The following PDE4D variants were observed in gnomAD, a reference collection of about 807,000 sequenced individuals.
PDE4D encodes phosphodiesterase 4D, also known as 3',5'-cyclic-AMP phosphodiesterase 4D.
A neutral mutation model predicts 87.4 loss-of-function variants in PDE4D; 24 were observed. The observed-to-expected ratio is 0.27, with a 90% CI of 0.20 to 0.39. The LOEUF is 0.39. Ranked by LOEUF, PDE4D falls within the 10% of genes least tolerant of loss-of-function variation. The pLI is 1.00. For synonymous variants in PDE4D, 384 were observed against 383.2 expected (o/e 1.00, Z -0.02); for missense variants, 714 against 1,041.0 (o/e 0.69, Z 4.32).
intron 2 of PDE4D, among the ~76,000 whole-genome samples, chr5:60,119,199 C>T (rs753983633): frequency 1.3e-5 from 2 of 152,182 alleles, no homozygotes; most frequent in African/African-American, 4.8e-5. Context: ...TAACCTTATG[C>T]TCACATGTTC....
At chr5:60,147,276 G>T (rs1462839563) in intron 2 of PDE4D, among the ~76,000 whole-genome samples, 2 of 152,174 alleles carry the variant, frequency 1.3e-5, no homozygotes, top group Middle Eastern at 3.2e-3. Context: ...TGGAAACAAA[G>T]AAATCACTTA....
At chr5:60,070,340 T>C (rs1772570203) in intron 2 of PDE4D, among the ~76,000 whole-genome samples, 1 of 152,120 alleles carries the variant, frequency 6.6e-6, no homozygotes, top group Admixed American at 6.6e-5. Context: ...ATGGCTTTTA[T>C]TATGTTGAGG....
intron 1 of PDE4D, among the ~76,000 whole-genome samples, chr5:59,606,482 T>C (rs895558395): frequency 1.3e-5 from 2 of 152,096 alleles, no homozygotes; most frequent in African/African-American, 4.8e-5. Flanking sequence ...AGTTTATAGA[T>C]GATGAATCTG....
chr5:60,113,794 A>G (rs1472576197), intron 2 of PDE4D, among the ~76,000 whole-genome samples: 1 of 152,126 alleles, frequency 6.6e-6, no homozygotes, highest in Non-Finnish European at 1.5e-5. Context: ...GAGCATTTAA[A>G]TGTACTCACA....
intron 3 of PDE4D, among the ~76,000 whole-genome samples, chr5:59,905,220 C>T (rs1440265572): frequency 6.6e-6 from 1 of 152,128 alleles, no homozygotes; most frequent in Non-Finnish European, 1.5e-5. Context: ...ATATTTTCTT[C>T]ATGCATAAAT....
chr5:59,079,307 T>C (rs962998301), intron 5 of PDE4D, among the ~76,000 whole-genome samples: 16 of 152,286 alleles, frequency 1.1e-4, no homozygotes, highest in Non-Finnish European at 8.8e-5. Flanking sequence ...AATCTCATGG[T>C]AGAAATCTTA....
chr5:60,402,761 C>G (rs1011001304), intron 1 of PDE4D, among the ~76,000 whole-genome samples: 8 of 152,184 alleles, frequency 5.3e-5, no homozygotes, highest in Admixed American at 4.6e-4. Context: ...TGTTTATAAA[C>G]CAGGTTGGTA....
chr5:59,148,897 G>C (rs1052013565), intron 5 of PDE4D, among the ~76,000 whole-genome samples: 1 of 151,678 alleles, frequency 6.6e-6, no homozygotes, highest in Non-Finnish European at 1.5e-5. Flanking sequence ...ATACACTAAC[G>C]ATATGTAACC....
chr5:59,507,973 A>T (rs572141085), intron 1 of PDE4D, among the ~76,000 whole-genome samples: 3 of 152,296 alleles, frequency 2.0e-5, no homozygotes, highest in Non-Finnish European at 4.4e-5. Context: ...CTCTTATGGT[A>T]TAATTCAACA....
At chr5:60,242,802 A>G (rs540292731) in intron 1 of PDE4D, among the ~76,000 whole-genome samples, 1 of 152,186 alleles carries the variant, frequency 6.6e-6, no homozygotes, top group East Asian at 1.9e-4. Context: ...GAAACACAAC[A>G]TACCAAAACC....
At chr5:59,433,785 A>T (rs572012740) in intron 1 of PDE4D, among the ~76,000 whole-genome samples, 1 of 152,074 alleles carries the variant, frequency 6.6e-6, no homozygotes, top group Non-Finnish European at 1.5e-5. Context: ...AGAAAAGGAG[A>T]ACTCACATGA....
At chr5:60,154,710 C>T (rs967653898) in intron 2 of PDE4D, among the ~76,000 whole-genome samples, 1 of 152,218 alleles carries the variant, frequency 6.6e-6, no homozygotes, top group African/African-American at 2.4e-5. Context: ...ACCCAGAAGT[C>T]CCCTATGTGC....
chr5:60,138,860 C>T (rs1414856572), intron 2 of PDE4D, among the ~76,000 whole-genome samples: 1 of 152,112 alleles, frequency 6.6e-6, no homozygotes, highest in Non-Finnish European at 1.5e-5. Context: ...TTGGTATCTA[C>T]ATTCACATTG....
intron 1 of PDE4D, among the ~76,000 whole-genome samples, chr5:59,660,476 C>T (rs1236319653): frequency 4.6e-5 from 7 of 152,022 alleles, no homozygotes; most frequent in African/African-American, 1.7e-4. Flanking sequence ...CCTCCCTTTT[C>T]TAATTTCTTC....
intron 1 of PDE4D, among the ~76,000 whole-genome samples, chr5:60,476,320 G>C (rs1331866787): frequency 2.6e-5 from 4 of 152,190 alleles, no homozygotes; most frequent in Admixed American, 1.3e-4. Context: ...TGGCAGAACT[G>C]ATCACAGTAT....
intron 1 of PDE4D, among the ~76,000 whole-genome samples, chr5:59,421,734 A>G (rs1042003508): frequency 1.3e-5 from 2 of 152,118 alleles, no homozygotes; most frequent in Non-Finnish European, 2.9e-5. Context: ...TGAGATGTAC[A>G]TTTGGAAGTT....
intron 1 of PDE4D, among the ~76,000 whole-genome samples, chr5:59,881,086 G>A (rs1749364596): frequency 6.6e-6 from 1 of 152,034 alleles, no homozygotes; most frequent in South Asian, 2.1e-4. Flanking sequence ...TGAATGTTAA[G>A]GTTAGTAGAC....
intron 1 of PDE4D, among the ~76,000 whole-genome samples, chr5:59,828,024 A>G (rs1430598328): frequency 1.3e-5 from 2 of 152,148 alleles, no homozygotes; most frequent in Non-Finnish European, 2.9e-5. Context: ...GAAAATATAA[A>G]TGCTTGCCTG....
At chr5:60,285,612 A>G (rs1752348366) in intron 1 of PDE4D, among the ~76,000 whole-genome samples, 1 of 152,220 alleles carries the variant, frequency 6.6e-6, no homozygotes, top group South Asian at 2.1e-4. Flanking sequence ...AAAAAAATCA[A>G]AGGTTAGCAG....
Sources: gnomAD v4.1 joint callset for allele counts (sites outside exome capture counted in the v4.1 genomes callset) on GRCh38, gnomAD v4.1.1 for gene constraint, MANE v1.5 for transcripts, NCBI Gene and HGNC (gene_info 2026-07-23, HGNC 2026-07-21) for gene names.